Variants in WNK2 observed in about 807,000 individuals in gnomAD.
WNK2 encodes the protein serine/threonine-protein kinase WNK2.
A neutral mutation model predicts 192.1 loss-of-function variants in WNK2; 67 were observed. That is an observed-to-expected ratio of 0.35 (90% CI 0.29 to 0.43). WNK2 has a LOEUF of 0.43. Among genes scored for constraint, WNK2 ranks in the 20% least tolerant of loss-of-function variants. WNK2 has a pLI of 1.00. For synonymous variants in WNK2, 1,439 were observed against 1,393.9 expected (o/e 1.03, Z -0.72); for missense variants, 2,698 against 3,089.7 (o/e 0.87, Z 3.01).
chr9:93,259,693 G>A lies in WNK2; in HGVS notation c.3066+79G>A. On this transcript the variant is annotated intron_variant, in intron 12 of 29. Transcript: ENST00000427277. The surrounding 1 kb of genome is among the most constrained non-coding windows in gnomAD (Gnocchi z 4.8). ...ACCCAGAGATGCAAAGGAGGACAGA[G>A]GCAGGCAAGGAGGCAGCCCTGCCTG... The A allele has an allele frequency of 1.5e-6, 2 of 1,355,922 alleles. No homozygotes were observed. The highest frequency in any genetic ancestry group is 2.0e-6 in the Non-Finnish European group (2 of 1,023,232). The allele number at this position is 1,355,922 out of a possible 1,614,324, so 84.0% of individuals were successfully genotyped here. A position where few individuals can be genotyped will look rare whatever the true frequency, so the allele number is the denominator to read the frequency against.
At position 93,261,990 on chromosome 9, in the gene WNK2, G is replaced by C. The variant is rs1232195044; in HGVS notation, c.3243G>C (p.Gln1081His). 1.2e-6 allele frequency: 2 copies of C among 1,611,940 alleles called. No individual in the cohort carries two copies. The highest frequency in any genetic ancestry group is 1.7e-6 in the Non-Finnish European group (2 of 1,179,608). Residue 1081 changes from glutamine to histidine, a missense_variant, in exon 13 of 30, where the codon CAG (glutamine) becomes CAC (histidine). By Grantham distance (24) the Gln-to-His change is conservative (BLOSUM62 0). This residue lies in a region of WNK2 where 893 missense variants were observed against 909.0 expected (regional missense o/e 0.98). Transcript: ENST00000427277. Reference sequence around the variant, plus strand: ...TGGCCACGGTGTCTGCCTCTGTGCAGAGTGTGCCCACCCAGACTGCCACAC... The same window carrying C: ...TGGCCACGGTGTCTGCCTCTGTGCACAGTGTGCCCACCCAGACTGCCACAC... ...SSLATVSASV[Q>H]SVPTQTATLL...
chr9:93,220,971 C>T (rs1053562748), intron 2 of WNK2, among the ~76,000 whole-genome samples: 10 of 152,220 alleles, frequency 6.6e-5, no homozygotes, highest in African/African-American at 2.4e-4. Flanking sequence ...GGCTGCCCAC[C>T]CATCCCTGCC....
intron 28 of WNK2, chr9:93,308,798 AAGGACAGGCCAGGCC>A: frequency 7.0e-7 from 1 of 1,421,088 alleles, no homozygotes; most frequent in Non-Finnish European, 9.2e-7. Context: ...GGCAGGTGGA[AAGGACAGGCCAGGCC>A]AGGCCAGGCC....
intron 2 of WNK2, among the ~76,000 whole-genome samples, chr9:93,227,790 G>A (rs181921131): frequency 3.3e-5 from 5 of 152,230 alleles, no homozygotes; most frequent in Non-Finnish European, 7.4e-5. Context: ...GTGAGCCACC[G>A]CACCTGGCTT....
rs1257719372 is a variant in WNK2 at position 93,274,019 on chromosome 9, AC to A, written c.4033+5275del. Among the ~76,000 whole-genome samples the A allele has an allele frequency of 2.0e-5, 3 of 152,214 alleles. No homozygotes were observed. The East Asian group carries it at 5.8e-4, about 29-fold the overall frequency. On this transcript the variant is annotated intron_variant, in intron 19 of 29. Transcript: ENST00000427277. Reference sequence around the variant, plus strand: ...AAAGAGGTCTCAAGTCAATGACTCAACCTTCTACCTTAAGAAACAAGGAAAA... The same window carrying A: ...AAAGAGGTCTCAAGTCAATGACTCAACTTCTACCTTAAGAAACAAGGAAAA...
Position 93,261,981 on chromosome 9 carries a change from C to T in WNK2, c.3234C>T (p.Ala1078=), listed in dbSNP as rs745631014. The part of the protein sequence containing the change: ...QFPSSLATVS[A]SVQSVPTQTA... Reference sequence around the variant, plus strand: ...CCAGCTCCCTGGCCACGGTGTCTGCCTCTGTGCAGAGTGTGCCCACCCAGA... The same window carrying T: ...CCAGCTCCCTGGCCACGGTGTCTGCTTCTGTGCAGAGTGTGCCCACCCAGA... The change falls in exon 13 of 30, where the codon GCC becomes GCT. Residue 1078 remains alanine, a synonymous_variant. Transcript: ENST00000427277. 1 of 1,612,082 alleles carries T rather than the reference C, an allele frequency of 6.2e-7. No homozygotes were observed. The highest frequency in any genetic ancestry group is 8.5e-7 in the Non-Finnish European group (1 of 1,179,694).
chr9:93,262,122 C>G lies in WNK2; in HGVS notation c.3360+15C>G. The G allele has an allele frequency of 6.4e-7, 1 of 1,564,406 alleles. No homozygotes were observed. The highest frequency in any genetic ancestry group is 1.2e-5 in the South Asian group (1 of 84,214). On this transcript the variant is annotated intron_variant, in intron 13 of 29. Coordinates refer to ENST00000427277, the MANE Select transcript of WNK2 (RefSeq NM_006648.4). The stretch of plus-strand genomic sequence containing the variant: ...CAGTCCAAGAGGTGTGTGCCCCTCC[C>G]CCCAGCCTGTCCCATGACTGGGCAG...
intron 19 of WNK2, among the ~76,000 whole-genome samples, chr9:93,278,219 G>T (rs983315026): frequency 1.3e-5 from 2 of 152,200 alleles, no homozygotes; most frequent in African/African-American, 4.8e-5. Flanking sequence ...CAAGCTGAGA[G>T]TGTGGAGAGA....
At chr9:93,227,171 TGGCACAATCTC>T (rs1254972581) in intron 2 of WNK2, among the ~76,000 whole-genome samples, 1 of 150,920 alleles carries the variant, frequency 6.6e-6, no homozygotes, top group Non-Finnish European at 1.5e-5. Flanking sequence ...TGGAGTGCAG[TGGCACAATCTC>T]GGCTCACTGC....
chr9:93,224,962 G>A (rs1245556597), intron 2 of WNK2, among the ~76,000 whole-genome samples: 1 of 152,184 alleles, frequency 6.6e-6, no homozygotes, highest in East Asian at 1.9e-4. Context: ...GTCCACAGGT[G>A]TTCATGGAGT....
Position 93,297,861 on chromosome 9 carries a change from A to T in WNK2, c.5717A>T (p.Lys1906Met). 2.5e-6 allele frequency: 4 copies of T among 1,581,748 alleles called. No individual in the cohort carries two copies. The highest frequency in any genetic ancestry group is 3.4e-6 in the Non-Finnish European group (4 of 1,165,256). Residue 1906 changes from lysine (K) to methionine (M), a missense_variant, in exon 24 of 30, where the codon AAG becomes ATG. By Grantham distance (95) the Lys-to-Met change is moderately conservative. Transcript: ENST00000427277. ...ELQSLREKHL[K>M]EISELQSQQK... is the part of the protein sequence containing the mutation. ...CCTGTCCCCTCCTGCAGGCACCTGA[A>T]GGAGATCTCGGAGCTGCAGAGCCAG... is the stretch of plus-strand genomic sequence containing the variant.
chr9:93,291,941 C>T (rs919056359), intron 21 of WNK2, among the ~76,000 whole-genome samples: 6 of 152,184 alleles, frequency 3.9e-5, no homozygotes, highest in Non-Finnish European at 7.3e-5. Flanking sequence ...CATTGATCTG[C>T]GCTGTGGGAC....
At chr9:93,310,504 C>T (rs764291959) in intron 28 of WNK2, among the ~76,000 whole-genome samples, 2 of 152,040 alleles carry the variant, frequency 1.3e-5, no homozygotes, top group Non-Finnish European at 2.9e-5. Flanking sequence ...TTCAAGCGTA[C>T]AGTTCAGTGG....
intron 29 of WNK2, chr9:93,318,126 G>A: frequency 6.5e-7 from 1 of 1,539,384 alleles, no homozygotes; most frequent in Non-Finnish European, 8.7e-7. Context: ...TGCCTTGAAT[G>A]CCAGCTTTTC....
chr9:93,204,106 A>G (rs1832951671), intron 2 of WNK2, among the ~76,000 whole-genome samples: 1 of 152,030 alleles, frequency 6.6e-6, no homozygotes, highest in South Asian at 2.1e-4. Context: ...GAGGGCTGAC[A>G]TAAGGCCACA....
At chr9:93,244,366 A>AG (rs796941730) in intron 7 of WNK2, among the ~76,000 whole-genome samples, 2 of 152,278 alleles carry the variant, frequency 1.3e-5, no homozygotes, top group East Asian at 3.9e-4. Flanking sequence ...TCGACCCCCA[A>AG]GGGGATTCCC....
chr9:93,299,647 A>C (rs1054927582), intron 25 of WNK2, among the ~76,000 whole-genome samples: 10 of 150,688 alleles, frequency 6.6e-5, no homozygotes, highest in African/African-American at 2.4e-4. Context: ...GGGTCCTTCC[A>C]AAGTCCAGAG....
chr9:93,194,082 C>T (rs1051349540), intron 2 of WNK2, among the ~76,000 whole-genome samples: 8 of 152,154 alleles, frequency 5.3e-5, no homozygotes, highest in Non-Finnish European at 1.2e-4. Flanking sequence ...AGACGCAGAC[C>T]TTACACCCCT....
intron 4 of WNK2, among the ~76,000 whole-genome samples, chr9:93,232,080 G>A (rs1838911259): frequency 6.6e-6 from 1 of 152,220 alleles, no homozygotes. Flanking sequence ...GCTCCCCCAT[G>A]TTAATGAAGA....
Sources: allele counts gnomAD v4.1 joint callset (sites outside exome capture counted in the v4.1 genomes callset), GRCh38; gene constraint gnomAD v4.1.1; regional missense constraint gnomAD v4.1.1; non-coding constraint Gnocchi (gnomAD v3.1); transcripts MANE v1.5; gene names NCBI Gene and HGNC (gene_info 2026-07-23, HGNC 2026-07-21).